Variants in EPHA6 observed in about 807,000 individuals in gnomAD.
EPHA6 encodes ephrin type-A receptor 6.
Under a neutral mutation model 112.0 loss-of-function variants are expected in EPHA6, and 50 were observed. The ratio of observed to expected loss-of-function variants is 0.45; its 90% CI spans 0.36 to 0.56. EPHA6 has a LOEUF of 0.56. Ranked by LOEUF, EPHA6 falls within the 20% of genes least tolerant of loss-of-function variation. EPHA6 has a pLI of 0.00. For synonymous variants in EPHA6, 529 were observed against 490.7 expected (o/e 1.08, Z -1.03); for missense variants, 1,280 against 1,417.4 (o/e 0.90, Z 1.56).
chr3:97,341,454 C>T (rs1011914426), intron 5 of EPHA6, among the ~76,000 whole-genome samples: 1 of 151,610 alleles, frequency 6.6e-6, no homozygotes, highest in South Asian at 2.1e-4. Flanking sequence ...TCCCAGGTTC[C>T]AGCAATTCTC....
chr3:96,832,289 T>C (rs2034133275), intron 1 of EPHA6, among the ~76,000 whole-genome samples: 1 of 152,054 alleles, frequency 6.6e-6, no homozygotes, highest in African/African-American at 2.4e-5. Context: ...CAGCCTAGGA[T>C]GGTTAGGTGT....
At chr3:97,437,417 T>C (rs1047876564) in intron 6 of EPHA6, among the ~76,000 whole-genome samples, 3 of 152,188 alleles carry the variant, frequency 2.0e-5, no homozygotes, top group African/African-American at 7.2e-5. Context: ...AAATGTTCAG[T>C]TTGACATTTG....
chr3:97,208,335 CTATT>C (rs1319997336), intron 3 of EPHA6, among the ~76,000 whole-genome samples: 1 of 152,214 alleles, frequency 6.6e-6, no homozygotes, highest in Admixed American at 6.5e-5. Context: ...GGTAAATAAA[CTATT>C]TAGTTACATG....
intron 11 of EPHA6, among the ~76,000 whole-genome samples, chr3:97,534,078 C>T (rs1044031739): frequency 6.6e-6 from 1 of 152,164 alleles, no homozygotes; most frequent in Non-Finnish European, 1.5e-5. Context: ...AGTTAGAATT[C>T]TGCTCCTGCC....
intron 3 of EPHA6, among the ~76,000 whole-genome samples, chr3:97,016,625 T>C (rs2044275513): frequency 6.6e-6 from 1 of 152,236 alleles, no homozygotes. Context: ...TTTTGACGTA[T>C]GTCTAGAGCC....
At chr3:96,886,888 C>G (rs1290953857) in intron 2 of EPHA6, among the ~76,000 whole-genome samples, 2 of 152,104 alleles carry the variant, frequency 1.3e-5, no homozygotes, top group Non-Finnish European at 2.9e-5. Flanking sequence ...CTGAGACTTT[C>G]CAGAGCATTT....
chr3:97,093,899 C>A (rs1453557966), intron 3 of EPHA6, among the ~76,000 whole-genome samples: 1 of 152,042 alleles, frequency 6.6e-6, no homozygotes, highest in Non-Finnish European at 1.5e-5. Context: ...GTATCTAGGA[C>A]CTCTGTCAGG....
intron 1 of EPHA6, among the ~76,000 whole-genome samples, chr3:96,842,050 A>T (rs774901346): frequency 6.6e-6 from 1 of 152,032 alleles, no homozygotes; most frequent in Non-Finnish European, 1.5e-5. Context: ...AAGCCAGGAG[A>T]GGAAATACCT....
At chr3:97,480,832 T>C (rs2091513678) in intron 9 of EPHA6, among the ~76,000 whole-genome samples, 1 of 149,226 alleles carries the variant, frequency 6.7e-6, no homozygotes, top group African/African-American at 2.5e-5. Context: ...ACTCCTCACT[T>C]CTCAGATGGG....
At chr3:97,226,966 G>A (rs948917655) in intron 4 of EPHA6, among the ~76,000 whole-genome samples, 25 of 152,064 alleles carry the variant, frequency 1.6e-4, no homozygotes, top group African/African-American at 5.3e-4. Context: ...TTGGTTAGAA[G>A]CAGTAGAATG....
chr3:97,305,333 G>A (rs1460216250), intron 5 of EPHA6, among the ~76,000 whole-genome samples: 1 of 151,998 alleles, frequency 6.6e-6, no homozygotes, highest in Non-Finnish European at 1.5e-5. Context: ...CCTAGAACCA[G>A]AAATACCACT....
chr3:96,865,646 A>T (rs191376908), intron 1 of EPHA6, among the ~76,000 whole-genome samples: 2 of 150,194 alleles, frequency 1.3e-5, no homozygotes, highest in Non-Finnish European at 3.0e-5. Flanking sequence ...TGTGCCAGTG[A>T]ACTCCAACCT....
intron 3 of EPHA6, among the ~76,000 whole-genome samples, chr3:97,221,224 C>T (rs571817240): frequency 8.2e-4 from 116 of 141,538 alleles, no homozygotes; most frequent in African/African-American, 2.9e-3. Flanking sequence ...ACAGGAGAAT[C>T]GCTTGAACCA....
chr3:97,219,741 C>T (rs527321771), intron 3 of EPHA6, among the ~76,000 whole-genome samples: 3 of 152,310 alleles, frequency 2.0e-5, no homozygotes, highest in African/African-American at 7.2e-5. Context: ...TGGCAATTAA[C>T]ATTCAGCTCC....
rs1209137152 is a variant in EPHA6 at position 97,757,039 on chromosome 3, G to C, written c.*8338G>C. On this transcript the variant is annotated 3_prime_UTR_variant, in exon 18 of 18. Transcript: ENST00000389672. Reference sequence around the variant, plus strand: ...TCTTAAAATGTTAATTATGGTATACGTGCTATAGTAACCTCATTTTTTAAA... The same window carrying C: ...TCTTAAAATGTTAATTATGGTATACCTGCTATAGTAACCTCATTTTTTAAA... Among the ~76,000 whole-genome samples, 1 of 151,648 alleles carries C rather than the reference G, an allele frequency of 6.6e-6. No individual in the cohort carries two copies. Among genetic ancestry groups the C allele is most frequent in the Non-Finnish European group, 1.5e-5 (1 of 67,712 alleles).
chr3:97,558,602 A>G (rs991307808), intron 11 of EPHA6, among the ~76,000 whole-genome samples: 2 of 151,954 alleles, frequency 1.3e-5, no homozygotes, highest in Non-Finnish European at 2.9e-5. Flanking sequence ...ATACACATGT[A>G]TAAGGAAATA....
intron 6 of EPHA6, among the ~76,000 whole-genome samples, chr3:97,412,292 A>G (rs1474373233): frequency 6.6e-6 from 1 of 152,072 alleles, no homozygotes; most frequent in Non-Finnish European, 1.5e-5. Flanking sequence ...AGGTAAGGCT[A>G]CATAATTAAT....
At chr3:97,049,871 C>T (rs2045629871) in intron 3 of EPHA6, among the ~76,000 whole-genome samples, 1 of 152,082 alleles carries the variant, frequency 6.6e-6, no homozygotes, top group African/African-American at 2.4e-5. Context: ...AGGGATGTAC[C>T]TTCTTGGCTC....
chr3:97,013,457 T>C (rs2107951998), intron 3 of EPHA6, among the ~76,000 whole-genome samples: 1 of 152,272 alleles, frequency 6.6e-6, no homozygotes, highest in African/African-American at 2.4e-5. Flanking sequence ...AGATATATGT[T>C]TATTAAGGTG....
Sources: allele counts gnomAD v4.1 joint callset (sites outside exome capture counted in the v4.1 genomes callset), GRCh38; gene constraint gnomAD v4.1.1; transcripts MANE v1.5; gene names NCBI Gene and HGNC (gene_info 2026-07-23, HGNC 2026-07-21).